BBS2: variants seen among roughly 807,000 people sequenced by gnomAD.
BBS2 encodes BBSome complex member BBS2.
In BBS2, 62 loss-of-function variants were observed where a neutral mutation model predicts 83.0. The ratio of observed to expected loss-of-function variants is 0.75; its 90% CI spans 0.61 to 0.92. The LOEUF (loss-of-function observed/expected upper bound fraction) is 0.92. BBS2 is among the 40% of genes least tolerant of loss of function. The pLI is 0.00. For missense variants in BBS2, 784 were observed against 901.0 expected, an observed-to-expected ratio of 0.87 and a Z score of 1.66; for synonymous variants, 303 against 326.1, an observed-to-expected ratio of 0.93 and a Z score of 0.76.
chr16:56,519,722 C>T, intron 1 of BBS2, 24 bp downstream of exon 1: 3 of 1,585,254 alleles, frequency 1.9e-6, no homozygotes, highest in Non-Finnish European at 2.6e-6. Context: ...GGGGCCCGGG[C>T]TCCCTGCGGG....
chr16:56,511,312 T>C (rs758691934), intron 2 of BBS2, 28 bp from the exon 3 acceptor site: 3 of 1,612,664 alleles, frequency 1.9e-6, no homozygotes, highest in Non-Finnish European at 1.7e-6. Flanking sequence ...ACACATTATC[T>C]TAGACACGAT....
intron 7 of BBS2, 126 bp from the exon 8 acceptor site, chr16:56,502,934 C>G: frequency 1.7e-6 from 2 of 1,197,198 alleles, no homozygotes; most frequent in Non-Finnish European, 2.4e-6. Context: ...CTATGAAGCC[C>G]TACAACTTCT....
chr16:56,495,550 T>C (rs1964092253), intron 15 of BBS2, among the ~76,000 whole-genome samples: 1 of 152,092 alleles, frequency 6.6e-6, no homozygotes, highest in South Asian at 2.1e-4. Flanking sequence ...CAAGCAAAAG[T>C]GTGGATTAAA....
intron 5 of BBS2, 164 bp downstream of exon 5, chr16:56,509,793 G>T: frequency 1.6e-6 from 1 of 628,036 alleles, no homozygotes; most frequent in Admixed American, 2.8e-5. Flanking sequence ...GATTTTTATT[G>T]CTTTTCTTAC....
chr16:56,500,294 C>T lies in BBS2; in HGVS notation c.1398-387G>A, dbSNP rs145391736. The T allele has an allele frequency of 6.9e-4, 184 of 267,082 alleles. 1 individual carries two copies. The highest frequency in any genetic ancestry group is 4.0e-3 in the African/African-American group (175 of 44,176). 16.5% of individuals were successfully genotyped at this position (267,082 alleles called of 1,614,324 possible). On this transcript the variant is annotated intron_variant, in intron 11 of 16. Transcript: ENST00000245157. ...ACAAATTGACAAATCATCAATTAAA[C>T]ATTTTTTGATTATGAGATCACCTGA...
chr16:56,506,093 G>A (rs765325726), intron 6 of BBS2, 27 bp downstream of exon 6: 4 of 1,607,800 alleles, frequency 2.5e-6, no homozygotes, highest in Middle Eastern at 1.6e-4. Context: ...TCAAGCGCCT[G>A]AATATCAAAG....
At chr16:56,504,994 A>G (rs1410450790) in intron 7 of BBS2, among the ~76,000 whole-genome samples, 1 of 152,214 alleles carries the variant, frequency 6.6e-6, no homozygotes, top group Non-Finnish European at 1.5e-5. Context: ...GGCTCCTATG[A>G]GGAAGTGGTC....
chr16:56,510,517 T>C (rs944380384), intron 4 of BBS2, among the ~76,000 whole-genome samples: 1 of 152,108 alleles, frequency 6.6e-6, no homozygotes, highest in African/African-American at 2.4e-5. Flanking sequence ...CTCAAAACAG[T>C]TGGCCAAAAT....
chr16:56,479,253 ACCTGAGGTCAGGAGTTGGGAGACCAG>A (rs1963598808), intron 17 of BBS2, among the ~76,000 whole-genome samples: 1 of 152,146 alleles, frequency 6.6e-6, no homozygotes, highest in Non-Finnish European at 1.5e-5. Context: ...CTGGCAGATT[ACCTGAGGTCAGGAGTTGGGAGACCAG>A]CCTGGCCAAC....
intron 5 of BBS2, among the ~76,000 whole-genome samples, chr16:56,508,931 G>A (rs1964502628): frequency 2.0e-5 from 3 of 152,270 alleles, no homozygotes; most frequent in South Asian, 2.1e-4. Flanking sequence ...TTACAGGCAT[G>A]AGCCACTGCA....
chr16:56,495,764 ATATGTGTG>A (rs1567571100), intron 15 of BBS2, among the ~76,000 whole-genome samples: 1 of 92,276 alleles, frequency 1.1e-5, no homozygotes, highest in African/African-American at 7.5e-5. Context: ...ACGTGTGTAT[ATATGTGTG>A]TGTGTGTGTG....
chr16:56,500,781 A>C, intron 11 of BBS2, 73 bp downstream of exon 11: 1 of 1,501,492 alleles, frequency 6.7e-7, no homozygotes, highest in Non-Finnish European at 9.2e-7. Context: ...TCCACTGGGC[A>C]TATGGAAAAT....
Position 56,519,853 on chromosome 16 carries a change from G to GC in BBS2, c.9dup (p.Pro4AlafsTer41). 1 of 1,613,640 alleles carries GC rather than the reference G, an allele frequency of 6.2e-7. No individual in the cohort carries two copies. The highest frequency in any genetic ancestry group is 8.5e-7 in the Non-Finnish European group (1 of 1,179,616). On this transcript the variant is annotated frameshift_variant, in exon 1 of 17. Transcript: ENST00000245157. LOFTEE classifies it high-confidence loss of function. Reference sequence around the variant, plus strand: ...TGGCGCAGTTTCAGGGTGAACACAGGCAGCAGCATGATGGCGGCGGCTTAG... The same window carrying GC: ...TGGCGCAGTTTCAGGGTGAACACAGGCCAGCAGCATGATGGCGGCGGCTTAG...
At chr16:56,495,231 T>C (rs1199613507) in intron 15 of BBS2, among the ~76,000 whole-genome samples, 1 of 152,070 alleles carries the variant, frequency 6.6e-6, no homozygotes, top group East Asian at 1.9e-4. Context: ...AAGAAAAGAA[T>C]AACAGAATTA....
In BBS2 at chr16:56,506,240, C is replaced by CA. The variant is rs1224538136; in HGVS notation, c.613-17dup. ...AGGTGACTATCTGCAAAACAATCCA[C>CA]AAAAACACAACATCTTTTCATTAAG... On this transcript the variant is annotated splice_polypyrimidine_tract_variant and intron_variant, in intron 5 of 16. Transcript: ENST00000245157. The CA allele has an allele frequency of 7.0e-6, 11 of 1,577,274 alleles. No homozygotes were observed. Among genetic ancestry groups the CA allele is most frequent in the Non-Finnish European group, 8.7e-6 (10 of 1,147,150 alleles).
chr16:56,499,959 T>C (rs1269618227), intron 11 of BBS2, 52 bp from the exon 12 acceptor site: 2 of 1,609,944 alleles, frequency 1.2e-6, no homozygotes, highest in East Asian at 4.5e-5. Flanking sequence ...GAATGTTCTT[T>C]CAAAATGCAA....
At chr16:56,493,402 A>C (rs979786344) in intron 15 of BBS2, among the ~76,000 whole-genome samples, 15 of 151,506 alleles carry the variant, frequency 9.9e-5, no homozygotes, top group Admixed American at 5.3e-4. Flanking sequence ...AAAAAAAAAA[A>C]AAAAAAACCA....
intron 13 of BBS2, among the ~76,000 whole-genome samples, chr16:56,498,143 T>C (rs770227247): frequency 1.3e-5 from 2 of 152,144 alleles, no homozygotes; most frequent in Non-Finnish European, 2.9e-5. Context: ...ACCTCTGTAT[T>C]CCCAATTCTT....
At chr16:56,471,275 T>C (rs1363471665) in intron 17 of BBS2, among the ~76,000 whole-genome samples, 1 of 150,454 alleles carries the variant, frequency 6.6e-6, no homozygotes, top group Non-Finnish European at 1.5e-5. Context: ...GGTGGAAGAA[T>C]CACTTGAACC....
Sources: allele counts gnomAD v4.1 joint callset (sites outside exome capture counted in the v4.1 genomes callset), GRCh38; gene constraint gnomAD v4.1.1; transcripts MANE v1.5; gene names NCBI Gene and HGNC (gene_info 2026-07-23, HGNC 2026-07-21).